The following ARHGEF28 variants were observed in gnomAD, a reference collection of about 807,000 sequenced individuals.
ARHGEF28 encodes 190 kDa guanine nucleotide exchange factor.
Under a neutral mutation model 206.6 loss-of-function variants are expected in ARHGEF28, and 152 were observed. That is an observed-to-expected ratio of 0.74 (90% CI 0.64 to 0.84). The LOEUF (loss-of-function observed/expected upper bound fraction) is 0.84, where lower values mean the gene tolerates loss of function less well. ARHGEF28 is among the 40% of genes least tolerant of loss of function. ARHGEF28 has a pLI of 0.00. For missense variants in ARHGEF28, 2,028 were observed against 2,073.2 expected (o/e 0.98, Z 0.42); for synonymous variants, 763 against 776.4 (o/e 0.98, Z 0.29).
intron 35 of ARHGEF28, among the ~76,000 whole-genome samples, chr5:73,937,946 C>A (rs899955944): frequency 4.6e-5 from 7 of 152,136 alleles, no homozygotes; most frequent in African/African-American, 1.7e-4. Context: ...TCTGACCTTG[C>A]CTACATAGTT....
chr5:73,868,240 C>A lies in ARHGEF28; in HGVS notation c.2425+13C>A. The A allele has an allele frequency of 7.7e-6, 12 of 1,557,954 alleles. No individual in the cohort carries two copies. Among genetic ancestry groups the A allele is most frequent in the Non-Finnish European group, 1.0e-5 (12 of 1,148,270 alleles). ...TTCATAATGGAAGGTGAGGAGAAGA[C>A]ACACTTCCATTTATTTGTGTTTTTG... On this transcript the variant is annotated intron_variant, in intron 20 of 35. Coordinates refer to ENST00000513042, the MANE Select transcript of ARHGEF28 (RefSeq NM_001177693.2).
intron 22 of ARHGEF28, among the ~76,000 whole-genome samples, chr5:73,878,784 C>T (rs926632569): frequency 1.3e-4 from 20 of 151,042 alleles, no homozygotes; most frequent in Non-Finnish European, 2.2e-4. Context: ...GAGTTTCTGC[C>T]GAGAGATCCG....
chr5:73,796,592 T>C (rs1754834699), intron 9 of ARHGEF28, among the ~76,000 whole-genome samples: 1 of 151,848 alleles, frequency 6.6e-6, no homozygotes, highest in African/African-American at 2.4e-5. Context: ...GGAAGCACCC[T>C]TGGTGTTGGT....
intron 7 of ARHGEF28, among the ~76,000 whole-genome samples, chr5:73,788,215 A>C (rs754080570): frequency 3.9e-5 from 6 of 152,198 alleles, no homozygotes; most frequent in Non-Finnish European, 7.4e-5. Flanking sequence ...TTCTTTCTTG[A>C]GTTAAAGTAG....
chr5:73,723,265 T>C (rs1750068453), intron 2 of ARHGEF28, among the ~76,000 whole-genome samples: 1 of 152,218 alleles, frequency 6.6e-6, no homozygotes, highest in Non-Finnish European at 1.5e-5. Context: ...CTTGGCTCGC[T>C]GCAACCTCTG....
intron 2 of ARHGEF28, among the ~76,000 whole-genome samples, chr5:73,702,068 A>G (rs763700904): frequency 4.6e-5 from 7 of 152,220 alleles, no homozygotes; most frequent in Non-Finnish European, 8.8e-5. Flanking sequence ...TTTAGTTTTT[A>G]AAGGAACTGA....
rs184079875 is a variant in ARHGEF28 at position 73,829,112 on chromosome 5, C to T, written c.1025-3226C>T. Among the ~76,000 whole-genome samples the T allele has an allele frequency of 1.3e-3, 199 of 152,326 alleles. 1 individual carries two copies. The highest frequency in any genetic ancestry group is 4.5e-3 in the African/African-American group (189 of 41,570). On this transcript the variant is annotated intron_variant, in intron 9 of 35. Coordinates refer to ENST00000513042, the MANE Select transcript of ARHGEF28 (RefSeq NM_001177693.2). ...CTGGGATTACAGGTGTGTGAGCCAC[C>T]GTACCTGGCATAGGCCACTTTTTGA...
intron 1 of ARHGEF28, among the ~76,000 whole-genome samples, chr5:73,626,660 A>T (rs1450766129): frequency 6.6e-6 from 1 of 151,622 alleles, no homozygotes; most frequent in African/African-American, 2.4e-5. Flanking sequence ...AATAAACAGC[A>T]CTCCTGCGGT....
intron 31 of ARHGEF28, chr5:73,902,721 G>GCAGT (rs1762337436): frequency 6.6e-6 from 1 of 152,148 alleles, no homozygotes; most frequent in Admixed American, 6.5e-5. Context: ...ATCGCCAACT[G>GCAGT]CAGTTTTAAA....
At chr5:73,749,727 T>A in intron 2 of ARHGEF28, 110 bp from the exon 3 acceptor site, 1 of 1,201,184 alleles carries the variant, frequency 8.3e-7, no homozygotes, top group East Asian at 2.4e-5. Flanking sequence ...CTCAACCACA[T>A]GAAGTGAACA....
intron 7 of ARHGEF28, 65 bp downstream of exon 7, chr5:73,780,810 C>G (rs922590224): frequency 1.5e-5 from 22 of 1,514,048 alleles, no homozygotes; most frequent in Admixed American, 4.0e-5. Flanking sequence ...TCTAACCAGT[C>G]CGTTGAAGTG....
At chr5:73,650,287 T>G (rs1239316050) in intron 1 of ARHGEF28, among the ~76,000 whole-genome samples, 4 of 145,100 alleles carry the variant, frequency 2.8e-5, no homozygotes, top group Non-Finnish European at 6.1e-5. Context: ...CTTTTTTTTT[T>G]TTTTTTTTTT....
chr5:73,776,681 A>G lies in ARHGEF28; in HGVS notation c.825A>G (p.Arg275=). 6.2e-7 allele frequency: 1 copy of G among 1,613,090 alleles called. No individual in the cohort carries two copies. The highest frequency in any genetic ancestry group is 1.3e-5 in the African/African-American group (1 of 75,006). ...TCTTCCGGAAATACTTTTGGGATAG[A>G]GCCTTTCTTGTCAAGGTTTGTACAT... The part of the protein sequence containing the change: ...IKLFRKYFWD[R]AFLVKAFEPE... The change falls in exon 6 of 36, where the codon AGA becomes AGG. Residue 275 remains arginine, a synonymous_variant. Transcript: ENST00000513042.
chr5:73,852,411 G>A (rs1349201400), intron 13 of ARHGEF28, among the ~76,000 whole-genome samples: 1 of 152,146 alleles, frequency 6.6e-6, no homozygotes, highest in Non-Finnish European at 1.5e-5. Context: ...CTTAGTTCAT[G>A]AAGTCATTAA....
Position 73,724,444 on chromosome 5 carries a change from T to TC in ARHGEF28, c.34-25386dup, listed in dbSNP as rs375693119. Among the ~76,000 whole-genome samples, 683 of 151,994 alleles carry TC rather than the reference T, an allele frequency of 4.5e-3. 2 individuals carry two copies. Among genetic ancestry groups the TC allele is most frequent in the African/African-American group, 0.016 (647 of 41,442 alleles). On this transcript the variant is annotated intron_variant, in intron 2 of 35. Transcript: ENST00000513042. ...CAGTGTGAACGTGCATATAGTAAAA[T>TC]CCCCCCCTTTTTAGTGTACAGTTCT...
intron 1 of ARHGEF28, among the ~76,000 whole-genome samples, chr5:73,645,166 A>G (rs2112149969): frequency 6.6e-6 from 1 of 152,212 alleles, no homozygotes; most frequent in African/African-American, 2.4e-5. Flanking sequence ...AAATCAAATT[A>G]TTAAGTTGTT....
intron 6 of ARHGEF28, among the ~76,000 whole-genome samples, chr5:73,777,020 T>C (rs979908658): frequency 2.0e-5 from 3 of 152,220 alleles, no homozygotes; most frequent in Non-Finnish European, 2.9e-5. Context: ...CTATCTTACA[T>C]GTATAATATC....
intron 1 of ARHGEF28, among the ~76,000 whole-genome samples, chr5:73,672,020 G>T (rs1304851189): frequency 1.3e-5 from 2 of 151,792 alleles, no homozygotes; most frequent in Non-Finnish European, 2.9e-5. Context: ...GCCTCCCAAA[G>T]AACTTGATAA....
chr5:73,902,800 T>C (rs1762342895), intron 31 of ARHGEF28: 1 of 152,260 alleles, frequency 6.6e-6, no homozygotes, highest in Non-Finnish European at 1.5e-5. Context: ...TCAAACCTAG[T>C]GGCTTTTGGG....
Sources: allele counts gnomAD v4.1 joint callset (sites outside exome capture counted in the v4.1 genomes callset), GRCh38; gene constraint gnomAD v4.1.1; transcripts MANE v1.5; gene names NCBI Gene and HGNC (gene_info 2026-07-23, HGNC 2026-07-21).